NEK10: variants seen among roughly 807,000 people sequenced by gnomAD.
The protein encoded by NEK10 is NIMA related kinase 10.
In NEK10, 122 loss-of-function variants were observed where a neutral mutation model predicts 159.8. The ratio of observed to expected loss-of-function variants is 0.76; its 90% confidence interval spans 0.66 to 0.89. NEK10 has a LOEUF of 0.89. NEK10 is among the 40% of genes least tolerant of loss of function. NEK10 has a pLI of 0.00. For missense variants in NEK10, 1,342 were observed against 1,323.1 expected, an observed-to-expected ratio of 1.01 and a Z score of -0.22; for synonymous variants, 466 against 457.1, an observed-to-expected ratio of 1.02 and a Z score of -0.25.
chr3:27,242,008 G>A (rs1045703584), intron 23 of NEK10, among the ~76,000 whole-genome samples: 5 of 152,138 alleles, frequency 3.3e-5, no homozygotes, highest in African/African-American at 9.7e-5. Context: ...AGCTCAACAC[G>A]TTCTCAAGAA....
intron 23 of NEK10, among the ~76,000 whole-genome samples, chr3:27,211,154 G>C (rs1037646493): frequency 1.3e-5 from 2 of 152,086 alleles, no homozygotes; most frequent in South Asian, 2.1e-4. Flanking sequence ...TTCTCCACTA[G>C]GATCAGTGGA....
chr3:27,245,671 A>G (rs1274876580), intron 23 of NEK10, among the ~76,000 whole-genome samples: 2 of 152,224 alleles, frequency 1.3e-5, no homozygotes, highest in Non-Finnish European at 2.9e-5. Context: ...CGTGGTTTTA[A>G]GCAACTAAAT....
chr3:27,345,665 G>A (rs188189440), intron 4 of NEK10, among the ~76,000 whole-genome samples: 3 of 152,138 alleles, frequency 2.0e-5, no homozygotes, highest in Admixed American at 6.5e-5. Context: ...GAGGTGTGCC[G>A]CAAGCCCTTC....
intron 29 of NEK10, among the ~76,000 whole-genome samples, chr3:27,170,031 GC>G: frequency 6.6e-6 from 1 of 152,242 alleles, no homozygotes; most frequent in South Asian, 2.1e-4. Flanking sequence ...GACTGAACTG[GC>G]TCCTATGCCT....
At chr3:27,211,592 G>T (rs966175774) in intron 23 of NEK10, among the ~76,000 whole-genome samples, 1 of 152,116 alleles carries the variant, frequency 6.6e-6, no homozygotes, top group Non-Finnish European at 1.5e-5. Flanking sequence ...CTCAAAACAC[G>T]AGTGGCAGCC....
chr3:27,248,192 T>G (rs1296390775), intron 23 of NEK10, among the ~76,000 whole-genome samples: 1 of 152,156 alleles, frequency 6.6e-6, no homozygotes, highest in African/African-American at 2.4e-5. Flanking sequence ...TTCTTTGAAT[T>G]TCTGCAGTAT....
chr3:27,128,825 T>C (rs1276366339), intron 32 of NEK10, among the ~76,000 whole-genome samples: 5 of 152,148 alleles, frequency 3.3e-5, no homozygotes, highest in African/African-American at 4.8e-5. Flanking sequence ...GCTATCTGTA[T>C]GTCCAAATAT....
In NEK10 at chr3:27,202,485, C is replaced by T; in HGVS notation, c.2163G>A (p.Gln721=). The T allele has an allele frequency of 6.2e-7, 1 of 1,613,624 alleles. No homozygotes were observed. ...DVWAVGCILY[Q]MATLSPPFYS... The stretch of plus-strand genomic sequence containing the variant: ...AGAAGGGGGGACTCAAAGTCGCCAT[C>T]TGATAAAGGATGCAGCCTACTGCCC... Residue 721 remains glutamine (Q), a synonymous_variant, in exon 24 of 36, where the codon CAG becomes CAA. Transcript: ENST00000691995.
At chr3:27,188,834 AC>A (rs1165505523) in intron 26 of NEK10, among the ~76,000 whole-genome samples, 2 of 152,160 alleles carry the variant, frequency 1.3e-5, no homozygotes, top group African/African-American at 4.8e-5. Flanking sequence ...TTTAATACAC[AC>A]TATTGTATTT....
chr3:27,248,333 T>C (rs1258784603), intron 23 of NEK10, among the ~76,000 whole-genome samples: 1 of 152,164 alleles, frequency 6.6e-6, no homozygotes, highest in Non-Finnish European at 1.5e-5. Context: ...TGTTGATCTT[T>C]TGTATTGTTT....
intron 1 of NEK10, among the ~76,000 whole-genome samples, chr3:27,357,316 TA>T (rs200061320): frequency 4.6e-5 from 7 of 152,004 alleles, no homozygotes; most frequent in East Asian, 1.9e-4. Flanking sequence ...AGGATTATTT[TA>T]AAAAAAACCT....
At chr3:27,119,942 T>C in intron 32 of NEK10, 74 bp from the exon 33 acceptor site, 1 of 1,085,738 alleles carries the variant, frequency 9.2e-7, no homozygotes, top group Non-Finnish European at 1.4e-6. Flanking sequence ...TGTGTGGGGT[T>C]TTTCATTTCC....
intron 1 of NEK10, among the ~76,000 whole-genome samples, chr3:27,353,702 A>G (rs987180738): frequency 6.6e-6 from 1 of 152,082 alleles, no homozygotes; most frequent in South Asian, 2.1e-4. Flanking sequence ...AGGATATAAC[A>G]CCACCTCTTT....
At chr3:27,350,358 C>T (rs1446461226) in intron 3 of NEK10, among the ~76,000 whole-genome samples, 1 of 152,092 alleles carries the variant, frequency 6.6e-6, no homozygotes, top group African/African-American at 2.4e-5. Flanking sequence ...CTTAATGACT[C>T]TTTCTGGAAC....
At chr3:27,331,237 C>CAAAAAAAAAAAAACAA (rs1553638955) in intron 5 of NEK10, among the ~76,000 whole-genome samples, 3 of 29,590 alleles carry the variant, frequency 1.0e-4, no homozygotes, top group African/African-American at 1.7e-4. Context: ...GACTCTGTCT[C>CAAAAAAAAAAAAACAA]AAAAAAAAAA....
chr3:27,367,521 A>T (rs1308891476), intron 1 of NEK10: 1 of 152,200 alleles, frequency 6.6e-6, no homozygotes, highest in Non-Finnish European at 1.5e-5. Flanking sequence ...TTCAATATTT[A>T]CCTTTTATAA....
At chr3:27,200,280 T>C (rs1949934331) in intron 25 of NEK10, among the ~76,000 whole-genome samples, 1 of 152,046 alleles carries the variant, frequency 6.6e-6, no homozygotes, top group Non-Finnish European at 1.5e-5. Flanking sequence ...AATACATCTA[T>C]TATAGTTCAT....
intron 23 of NEK10, among the ~76,000 whole-genome samples, chr3:27,223,724 C>A (rs1324464004): frequency 6.6e-6 from 1 of 152,166 alleles, no homozygotes; most frequent in Non-Finnish European, 1.5e-5. Flanking sequence ...GTCTATTTCA[C>A]AGCAAGTTTC....
chr3:27,352,979 G>T, intron 1 of NEK10, 60 bp from the exon 2 acceptor site: 1 of 764,278 alleles, frequency 1.3e-6, no homozygotes, highest in Non-Finnish European at 2.2e-6. Flanking sequence ...AATATTCTCA[G>T]TTAATACAGA....
Sources: gnomAD v4.1 joint callset for allele counts (sites outside exome capture counted in the v4.1 genomes callset) on GRCh38, gnomAD v4.1.1 for gene constraint, MANE v1.5 for transcripts, NCBI Gene and HGNC (gene_info 2026-07-23, HGNC 2026-07-21) for gene names.